Variants in SGMS1 observed in about 807,000 individuals in gnomAD.
SGMS1 encodes sphingomyelin synthase 1, also known as phosphatidylcholine:ceramide cholinephosphotransferase 1.
SGMS1 carries 13 observed loss-of-function variants against 46.2 expected under a neutral mutation model. That is an observed-to-expected ratio of 0.28 (90% CI 0.18 to 0.45). The LOEUF is 0.45. Among genes scored for constraint, SGMS1 ranks in the 20% least tolerant of loss-of-function variants. The pLI, the probability that SGMS1 is intolerant of heterozygous loss-of-function variation, is 1.00. For missense variants in SGMS1, 324 were observed against 519.9 expected (o/e 0.62, Z 3.66); for synonymous variants, 203 against 187.8 (o/e 1.08, Z -0.66).
intron 3 of SGMS1, among the ~76,000 whole-genome samples, chr10:50,480,833 A>G (rs897233108): frequency 6.6e-6 from 1 of 152,146 alleles, no homozygotes; most frequent in African/African-American, 2.4e-5. Flanking sequence ...TGCCAGTGCT[A>G]AAGAGACTGG....
rs144152988 is a variant in SGMS1, at chr10:50,538,390, G to A, written c.-588-18469C>T. Among the ~76,000 whole-genome samples the A allele has an allele frequency of 7.8e-3, 1,170 of 150,830 alleles. 14 individuals are homozygous for A. Among genetic ancestry groups the A allele is most frequent in the African/African-American group, 0.027 (1,110 of 41,012 alleles). The stretch of plus-strand genomic sequence containing the variant: ...GGACAATGGCATGAACCCGGGAGGC[G>A]GAGCTTGCAGTGAGCCAAGATCATG... On this transcript the variant is annotated intron_variant, in intron 2 of 10. Transcript: ENST00000361781.
At chr10:50,318,578 ACGCTCACTGGTGGCCATCTCTTGATCAC>A (rs1050565694) in intron 8 of SGMS1, among the ~76,000 whole-genome samples, 40 of 152,256 alleles carry the variant, frequency 2.6e-4, no homozygotes, top group Admixed American at 2.4e-3. Context: ...TCCCTGCCGG[ACGCTCACTGGTGGCCATCTCTTGATCAC>A]TCAAGAGACT....
chr10:50,402,703 A>ATT (rs1467797565), intron 6 of SGMS1, among the ~76,000 whole-genome samples: 1 of 151,972 alleles, frequency 6.6e-6, no homozygotes, highest in Admixed American at 6.6e-5. Flanking sequence ...GTAACAAGCC[A>ATT]TTTGTATACT....
chr10:50,446,461 G>A (rs375914323), intron 5 of SGMS1, among the ~76,000 whole-genome samples: 4 of 151,952 alleles, frequency 2.6e-5, no homozygotes, highest in African/African-American at 9.7e-5. Flanking sequence ...GGTTTCCCCC[G>A]ATACACAAAA....
At chr10:50,587,681 C>G (rs990296320) in intron 2 of SGMS1, among the ~76,000 whole-genome samples, 4 of 59,260 alleles carry the variant, frequency 6.7e-5, no homozygotes, top group East Asian at 5.3e-4. Flanking sequence ...GTGTGTGTGT[C>G]GTTATGTAGT....
At chr10:50,332,282 C>T (rs1025265951) in intron 7 of SGMS1, among the ~76,000 whole-genome samples, 15 of 152,238 alleles carry the variant, frequency 9.9e-5, no homozygotes, top group African/African-American at 3.6e-4. Flanking sequence ...CTGAGCCAGC[C>T]ATTCTCTCTG....
Position 50,343,684 on chromosome 10 carries a change from G to C in SGMS1, c.431C>G (p.Ser144Cys), listed in dbSNP as rs1847859532. Residue 144 changes from serine (S) to cysteine (C), a missense_variant, in exon 7 of 11, where the codon TCC becomes TGC. By Grantham distance (112) the Ser-to-Cys change is moderately radical. This residue lies in a region of SGMS1 where 174 missense variants were observed against 350.1 expected (regional missense o/e 0.50). Transcript: ENST00000361781. ...KTFLAFLYAL[S>C]CFVLTTVMIS... ...CATCACTGTGGTGAGAACGAAACAGGAAAGTGCATAAAGAAAGGCCAGAAA... is the reference window on the plus strand; with the variant it reads ...CATCACTGTGGTGAGAACGAAACAGCAAAGTGCATAAAGAAAGGCCAGAAA... The C allele has an allele frequency of 6.2e-7, 1 of 1,614,062 alleles. No individual in the cohort carries two copies. The highest frequency in any genetic ancestry group is 8.5e-7 in the Non-Finnish European group (1 of 1,180,052).
intron 7 of SGMS1, chr10:50,328,056 A>G: frequency 2.6e-6 from 1 of 385,054 alleles, no homozygotes; most frequent in Non-Finnish European, 4.9e-6. Flanking sequence ...AGCAAAAATT[A>G]GAAATAGTTT....
chr10:50,536,557 GAA>G (rs1838004036), intron 2 of SGMS1, among the ~76,000 whole-genome samples: 1 of 152,106 alleles, frequency 6.6e-6, no homozygotes, highest in African/African-American at 2.4e-5. Flanking sequence ...CATGCTCACA[GAA>G]AACATTTTAT....
intron 6 of SGMS1, among the ~76,000 whole-genome samples, chr10:50,370,415 A>AT (rs920053764): frequency 7.4e-5 from 11 of 148,868 alleles, no homozygotes; most frequent in South Asian, 6.4e-4. Flanking sequence ...TTAAATTTTA[A>AT]TTTTTTTTTT....
intron 2 of SGMS1, among the ~76,000 whole-genome samples, chr10:50,567,359 G>A (rs904391260): frequency 6.6e-6 from 1 of 152,192 alleles, no homozygotes; most frequent in African/African-American, 2.4e-5. Flanking sequence ...ATGAAGGGCT[G>A]ACCGTATATT....
intron 3 of SGMS1, among the ~76,000 whole-genome samples, chr10:50,475,797 G>A (rs1337860794): frequency 2.6e-5 from 4 of 152,206 alleles, no homozygotes; most frequent in South Asian, 4.2e-4. Context: ...AGATGTGCCT[G>A]CTACCCCTTC....
intron 7 of SGMS1, among the ~76,000 whole-genome samples, chr10:50,332,931 C>T (rs944837087): frequency 2.6e-5 from 4 of 152,182 alleles, no homozygotes; most frequent in African/African-American, 9.7e-5. Context: ...GCAAAAAGAG[C>T]CACTCATTGT....
At chr10:50,447,451 T>C (rs554413973) in intron 5 of SGMS1, among the ~76,000 whole-genome samples, 1 of 152,208 alleles carries the variant, frequency 6.6e-6, no homozygotes, top group African/African-American at 2.4e-5. Context: ...CTCTTTAAAA[T>C]TGTAACACTT....
At chr10:50,557,588 A>G (rs148875762) in intron 2 of SGMS1, among the ~76,000 whole-genome samples, 1,872 of 151,784 alleles carry the variant, frequency 0.012, 24 homozygotes, top group Middle Eastern at 0.041. Context: ...AATATGCTTT[A>G]GCAGAAGAAA....
chr10:50,478,589 A>G (rs1325473314), intron 3 of SGMS1, among the ~76,000 whole-genome samples: 8 of 152,212 alleles, frequency 5.3e-5, no homozygotes, highest in Non-Finnish European at 1.2e-4. Context: ...TGTAAATGTT[A>G]TAAGAAAACC....
chr10:50,586,717 C>T (rs1043180591), intron 2 of SGMS1, among the ~76,000 whole-genome samples: 1 of 152,204 alleles, frequency 6.6e-6, no homozygotes, highest in African/African-American at 2.4e-5. Flanking sequence ...TGAAACCACA[C>T]CCAATTCTCC....
At chr10:50,457,316 T>C (rs1295005569) in intron 5 of SGMS1, among the ~76,000 whole-genome samples, 1 of 152,230 alleles carries the variant, frequency 6.6e-6, no homozygotes, top group Non-Finnish European at 1.5e-5. Flanking sequence ...AATGGCTATA[T>C]CTAAGTGGTA....
intron 2 of SGMS1, among the ~76,000 whole-genome samples, chr10:50,561,402 G>C (rs1489593337): frequency 6.6e-6 from 1 of 152,206 alleles, no homozygotes; most frequent in Non-Finnish European, 1.5e-5. Context: ...TGGGTCCAGA[G>C]CTCAGTCTCT....
Sources: gnomAD v4.1 joint callset for allele counts (sites outside exome capture counted in the v4.1 genomes callset) on GRCh38, gnomAD v4.1.1 for gene constraint, gnomAD v4.1.1 regional missense constraint, MANE v1.5 for transcripts, NCBI Gene and HGNC (gene_info 2026-07-23, HGNC 2026-07-21) for gene names.